LOXL1: variants seen among roughly 807,000 people sequenced by gnomAD.
The protein encoded by LOXL1 is lysyl oxidase like 1.
LOXL1 carries 31 observed loss-of-function variants against 62.2 expected under a neutral mutation model. That is an observed-to-expected ratio of 0.50 (90% CI 0.37 to 0.67). The LOEUF (loss-of-function observed/expected upper bound fraction) is 0.67, where lower values mean the gene tolerates loss of function less well. LOXL1 is among the 30% of genes least tolerant of loss of function. The pLI is 0.00. For synonymous variants in LOXL1, 403 were observed against 384.4 expected (o/e 1.05, Z -0.56); for missense variants, 775 against 843.4 (o/e 0.92, Z 1.00).
rs1305050709 is a variant in LOXL1 at position 73,927,887 on chromosome 15, T to A, written c.1102+2T>A. The A allele has an allele frequency of 3.8e-6, 5 of 1,316,200 alleles. No individual in the cohort carries two copies. The highest frequency in any genetic ancestry group is 4.8e-6 in the Non-Finnish European group (5 of 1,039,278). 81.5% of individuals were successfully genotyped at this position (1,316,200 alleles called of 1,614,324 possible). On this transcript the variant is annotated splice_donor_variant, in intron 1 of 6. Transcript: ENST00000261921. LOFTEE classifies it high-confidence loss of function. The stretch of plus-strand genomic sequence containing the variant: ...ACCGGCCCAACCAGAACGGCCGCGG[T>A]GAGTACGGCCCCGGCGCCCCTCCGG...
intron 5 of LOXL1, among the ~76,000 whole-genome samples, chr15:73,948,692 C>T (rs185335687): frequency 2.2e-4 from 33 of 152,326 alleles, no homozygotes; most frequent in African/African-American, 3.4e-4. Context: ...TGCTCTTCAG[C>T]AGGCTCCAAG....
intron 5 of LOXL1, among the ~76,000 whole-genome samples, chr15:73,948,964 C>T (rs2068765729): frequency 6.6e-6 from 1 of 152,236 alleles, no homozygotes; most frequent in South Asian, 2.1e-4. Flanking sequence ...ATCCCAACAG[C>T]TCCTTTTCAG....
At chr15:73,932,578 G>A (rs1053538247) in intron 1 of LOXL1, among the ~76,000 whole-genome samples, 1 of 152,130 alleles carries the variant, frequency 6.6e-6, no homozygotes, top group African/African-American at 2.4e-5. Context: ...GTGGGGTTAG[G>A]GTGTAGCCTG....
intron 1 of LOXL1, among the ~76,000 whole-genome samples, chr15:73,937,051 A>G (rs1220562996): frequency 6.6e-6 from 1 of 152,240 alleles, no homozygotes; most frequent in Non-Finnish European, 1.5e-5. Flanking sequence ...ACTGGACAAG[A>G]CAGTGAACTC....
intron 1 of LOXL1, among the ~76,000 whole-genome samples, chr15:73,938,618 G>A (rs1362612881): frequency 1.3e-5 from 2 of 152,202 alleles, no homozygotes; most frequent in East Asian, 3.8e-4. Flanking sequence ...AGCTGAGATG[G>A]AAGGATCACT....
At chr15:73,951,720 A>G (rs865874390) in intron 6 of LOXL1, 111 bp from the exon 7 acceptor site, 2 of 972,934 alleles carry the variant, frequency 2.1e-6, no homozygotes, top group Middle Eastern at 4.6e-4. Flanking sequence ...ATGTAGGCCC[A>G]TGCCTGCCCT....
Position 73,949,480 on chromosome 15 carries a change from A to G in LOXL1, c.1624A>G (p.Ile542Val), listed in dbSNP as rs145285712. The G allele has an allele frequency of 4.3e-5, 70 of 1,612,878 alleles. No homozygotes were observed. In the African/African-American group the frequency reaches 8.0e-4, roughly 18 times the overall value. ...TCAGGTGCACGTGAACCCAAAGTAT[A>G]TTGTTTTGGAGTCTGACTTCACCAA... is the stretch of plus-strand genomic sequence containing the variant. Reference protein sequence around the residue: ...ILKVHVNPKYIVLESDFTNNV... With the variant: ...ILKVHVNPKYVVLESDFTNNV... The change falls in exon 6 of 7, where the codon ATT (isoleucine) becomes GTT (valine). Residue 542 changes from isoleucine (I) to valine (V), a missense_variant. Transcript: ENST00000261921.
chr15:73,949,767 G>A (rs781337591), intron 6 of LOXL1, among the ~76,000 whole-genome samples, 193 bp downstream of exon 6: 14 of 152,136 alleles, frequency 9.2e-5, no homozygotes, highest in Non-Finnish European at 1.6e-4. Flanking sequence ...GGCTCAGGCC[G>A]TAGGGTGTTG....
At chr15:73,928,969 A>C (rs1271743761) in intron 1 of LOXL1, among the ~76,000 whole-genome samples, 1 of 151,666 alleles carries the variant, frequency 6.6e-6, no homozygotes, top group Non-Finnish European at 1.5e-5. Context: ...CTGGCTTTTC[A>C]GGGGGTGAAC....
At chr15:73,947,752 G>T in intron 4 of LOXL1, 55 bp from the exon 5 acceptor site, 1 of 1,252,126 alleles carries the variant, frequency 8.0e-7, no homozygotes, top group South Asian at 1.3e-5. Context: ...GGTGGGCGTG[G>T]GGTGGCTCTG....
Position 73,927,577 on chromosome 15 carries a change from CG to C in LOXL1, c.795del (p.Asp268ThrfsTer159). 6.7e-7 allele frequency: 1 copy of C among 1,502,588 alleles called. No homozygotes were observed. Among genetic ancestry groups the C allele is most frequent in the Admixed American group, 2.1e-5 (1 of 47,112 alleles). 93.1% of individuals were successfully genotyped at this position (1,502,588 alleles called of 1,614,324 possible). ...AGGCCCTACGTGCCGCCGCCGCCGC[CG>C]CCCCCCGACGGCCTGGACCGCCGCT... ...PERPYVPPPP[P>X]PPDGLDRRYS... On this transcript the variant is annotated frameshift_variant, in exon 1 of 7. Coordinates refer to ENST00000261921, the MANE Select transcript of LOXL1 (RefSeq NM_005576.4). LOFTEE classifies it high-confidence loss of function.
At position 73,945,694 on chromosome 15, in the gene LOXL1, G is replaced by C. The variant is rs1349509398; in HGVS notation, c.1212-723G>C. On this transcript the variant is annotated intron_variant, in intron 2 of 6. Transcript: ENST00000261921. This position sits in a 1 kb window ranked among gnomAD's most constrained non-coding sequence, Gnocchi z 4.3. ...CTGTCTTGTTGTCAGAGACTTATCA[G>C]AATCTCCTGGATAGGACTTTTTTTT... Among the ~76,000 whole-genome samples, 1 of 151,906 alleles carries C rather than the reference G, an allele frequency of 6.6e-6. No homozygotes were observed. The highest frequency in any genetic ancestry group is 1.5e-5 in the Non-Finnish European group (1 of 67,986).
chr15:73,928,459 A>G (rs2068609272), intron 1 of LOXL1, among the ~76,000 whole-genome samples: 1 of 152,178 alleles, frequency 6.6e-6, no homozygotes, highest in Admixed American at 6.5e-5. Flanking sequence ...AGGAGTCCGG[A>G]CTTCCTCAGG....
rs1223774156 is a variant in LOXL1 at position 73,947,202 on chromosome 15, T to A, written c.1485T>A (p.Tyr495Ter). 6 of 1,609,386 alleles carry A rather than the reference T, an allele frequency of 3.7e-6. No homozygotes were observed. Among genetic ancestry groups the A allele is most frequent in the Non-Finnish European group, 5.1e-6 (6 of 1,176,354 alleles). Reference protein sequence around the residue: ...STCDFGNLKRYACTSHTQGLS... With the variant: ...STCDFGNLKR ...GTGACTTCGGCAACCTCAAGCGCTA[T>A]GCATGCACCTCTCATACCCAGGTTG... The change falls in exon 4 of 7, where the codon TAT (tyrosine) becomes TAA (stop). Residue 495 changes from tyrosine to a stop codon, truncating the protein, a stop_gained. Coordinates refer to ENST00000261921, the MANE Select transcript of LOXL1 (RefSeq NM_005576.4). LOFTEE classifies it high-confidence loss of function.
chr15:73,934,532 C>G (rs374174364), intron 1 of LOXL1, among the ~76,000 whole-genome samples: 1 of 152,206 alleles, frequency 6.6e-6, no homozygotes, highest in African/African-American at 2.4e-5. Context: ...ACCACTCACC[C>G]CTGCCCTCAT....
At chr15:73,939,964 A>G (rs1204287997) in intron 1 of LOXL1, among the ~76,000 whole-genome samples, 1 of 152,158 alleles carries the variant, frequency 6.6e-6, no homozygotes, top group Non-Finnish European at 1.5e-5. Context: ...TGGGTTGCCT[A>G]GAACAGTCAT....
intron 1 of LOXL1, chr15:73,942,189 GAGA>G (rs2068718566): frequency 1.3e-5 from 2 of 154,176 alleles, no homozygotes; most frequent in Admixed American, 1.3e-4. Flanking sequence ...AAGGAATCCT[GAGA>G]AGGTCAGGCT....
intron 1 of LOXL1, among the ~76,000 whole-genome samples, chr15:73,937,337 G>A (rs78839269): frequency 0.04 from 6,038 of 152,310 alleles, 288 homozygotes; most frequent in East Asian, 0.24. Context: ...TCTCGGCTCC[G>A]TGTCTTCACT....
chr15:73,948,906 A>G (rs895212658), intron 5 of LOXL1, among the ~76,000 whole-genome samples: 1 of 152,250 alleles, frequency 6.6e-6, no homozygotes, highest in Admixed American at 6.5e-5. Flanking sequence ...GATGTTCTGC[A>G]AATAAAGCTG....
Sources: gnomAD v4.1 joint callset for allele counts (sites outside exome capture counted in the v4.1 genomes callset) on GRCh38, gnomAD v4.1.1 for gene constraint, Gnocchi (gnomAD v3.1) non-coding constraint, MANE v1.5 for transcripts, NCBI Gene and HGNC (gene_info 2026-07-23, HGNC 2026-07-21) for gene names.